The following ASAP2 variants were observed in gnomAD, a reference collection of about 807,000 sequenced individuals.
The protein encoded by ASAP2 is ArfGAP with SH3 domain, ankyrin repeat and PH domain 2.
In ASAP2, 45 loss-of-function variants were observed where a neutral mutation model predicts 131.4. The ratio of observed to expected loss-of-function variants is 0.34; its 90% CI spans 0.27 to 0.44. ASAP2 has a LOEUF of 0.44. Ranked by LOEUF, ASAP2 falls within the 20% of genes least tolerant of loss-of-function variation. The pLI, the probability that ASAP2 is intolerant of heterozygous loss-of-function variation, is 1.00. For missense variants in ASAP2, 1,011 were observed against 1,297.0 expected, an observed-to-expected ratio of 0.78 and a Z score of 3.39; for synonymous variants, 510 against 503.0, an observed-to-expected ratio of 1.01 and a Z score of -0.19.
At chr2:9,337,399 T>C (rs1671279803) in intron 9 of ASAP2, among the ~76,000 whole-genome samples, 1 of 152,244 alleles carries the variant, frequency 6.6e-6, no homozygotes, top group Non-Finnish European at 1.5e-5. Flanking sequence ...CCATCTTGTA[T>C]ACCTCAAATT....
At chr2:9,329,623 T>C (rs983293024) in intron 7 of ASAP2, among the ~76,000 whole-genome samples, 2 of 152,290 alleles carry the variant, frequency 1.3e-5, no homozygotes, top group South Asian at 2.1e-4. Flanking sequence ...GGCAATTGCT[T>C]GTGTACACAG....
At chr2:9,357,156 G>A (rs1672762005) in intron 14 of ASAP2, among the ~76,000 whole-genome samples, 1 of 150,056 alleles carries the variant, frequency 6.7e-6, no homozygotes, top group Admixed American at 6.6e-5. Flanking sequence ...CCTGAAGACT[G>A]TATTTGGCCT....
intron 1 of ASAP2, among the ~76,000 whole-genome samples, chr2:9,215,321 TAGG>T (rs1661943094): frequency 6.6e-6 from 1 of 152,204 alleles, no homozygotes. Flanking sequence ...GAAATTCAGT[TAGG>T]AGAATATTTT....
Position 9,388,371 on chromosome 2 carries a change from A to G in ASAP2, c.2208A>G (p.Val736=). ...LGSNQLQSNA[V]SLARDAANLA... is the part of the protein sequence containing the mutation. The stretch of plus-strand genomic sequence containing the variant: ...CCAACCAGCTTCAGTCTAACGCTGT[A>G]TCTTTGGCCAGAGATGCTGCAAACC... The change falls in exon 22 of 28, where the codon GTA becomes GTG. Residue 736 remains valine (V), a synonymous_variant. Transcript: ENST00000281419. 4 of 1,614,118 alleles carry G rather than the reference A, an allele frequency of 2.5e-6. No individual in the cohort carries two copies. Among genetic ancestry groups the G allele is most frequent in the Non-Finnish European group, 3.4e-6 (4 of 1,180,022 alleles).
At chr2:9,293,370 T>C (rs1667938622) in intron 2 of ASAP2, among the ~76,000 whole-genome samples, 1 of 152,188 alleles carries the variant, frequency 6.6e-6, no homozygotes, top group Non-Finnish European at 1.5e-5. Context: ...GGTCAGTGAT[T>C]ATTGGATCTG....
intron 1 of ASAP2, among the ~76,000 whole-genome samples, chr2:9,252,796 A>T (rs1329142463): frequency 3.3e-5 from 5 of 149,694 alleles, no homozygotes; most frequent in Non-Finnish European, 7.4e-5. Context: ...GGCGCCTGTA[A>T]TCCCAGCTAC....
intron 1 of ASAP2, among the ~76,000 whole-genome samples, chr2:9,226,577 A>G (rs1457691824): frequency 6.6e-6 from 1 of 152,140 alleles, no homozygotes; most frequent in Non-Finnish European, 1.5e-5. Flanking sequence ...AGTTGGGAGG[A>G]AGCCTCACTG....
At chr2:9,280,560 A>G (rs1667068407) in intron 2 of ASAP2, among the ~76,000 whole-genome samples, 2 of 152,336 alleles carry the variant, frequency 1.3e-5, no homozygotes, top group East Asian at 1.9e-4. Flanking sequence ...ATCAACAAGT[A>G]CAAAACGCTG....
In ASAP2 at chr2:9,291,941, T is replaced by C. The variant is rs187167051; in HGVS notation, c.200-5359T>C. On this transcript the variant is annotated intron_variant, in intron 2 of 27. Transcript: ENST00000281419. ...TCTTATCTAGGCTAAGAGCTGAAGATAGCGACAATGTCATTAGCAAATGAA... is the reference window on the plus strand; with the variant it reads ...TCTTATCTAGGCTAAGAGCTGAAGACAGCGACAATGTCATTAGCAAATGAA... Among the ~76,000 whole-genome samples the C allele has an allele frequency of 4.2e-3, 643 of 152,136 alleles. 4 individuals are homozygous for C. The highest frequency in any genetic ancestry group is 7.1e-3 in the Non-Finnish European group (482 of 67,966).
At chr2:9,384,612 G>A (rs750814659) in intron 20 of ASAP2, among the ~76,000 whole-genome samples, 28 of 152,192 alleles carry the variant, frequency 1.8e-4, no homozygotes, top group African/African-American at 6.5e-4. Context: ...TAGAACTCAG[G>A]GAGACACTTG....
At chr2:9,343,795 A>G (rs1269276942) in intron 9 of ASAP2, among the ~76,000 whole-genome samples, 1 of 151,698 alleles carries the variant, frequency 6.6e-6, no homozygotes, top group East Asian at 1.9e-4. Context: ...GATGCCAGAC[A>G]CTGGACTTGG....
At chr2:9,213,469 A>G (rs1326456477) in intron 1 of ASAP2, among the ~76,000 whole-genome samples, 2 of 152,178 alleles carry the variant, frequency 1.3e-5, no homozygotes, top group African/African-American at 4.8e-5. Context: ...AGCAGGGAAT[A>G]ACATGGTCCG....
Position 9,311,086 on chromosome 2 carries a change from A to T in ASAP2, c.346-7438A>T, listed in dbSNP as rs1445630158. 6.6e-6 allele frequency among the ~76,000 whole-genome samples: 1 copy of T among 152,098 alleles called. No individual in the cohort carries two copies. Among genetic ancestry groups the T allele is most frequent in the Non-Finnish European group, 1.5e-5 (1 of 68,016 alleles). On this transcript the variant is annotated intron_variant, in intron 3 of 27. Coordinates refer to ENST00000281419, the MANE Select transcript of ASAP2 (RefSeq NM_003887.3). The surrounding 1 kb of genome is among the most constrained non-coding windows in gnomAD (Gnocchi z 5.2). ...GGAAGTAGGGGTGGGGAAAGGAAGG[A>T]TTGTTATTTTGAAAGATTGCCTGGG... is the stretch of plus-strand genomic sequence containing the variant.
At chr2:9,358,980 G>C (rs1359199449) in intron 15 of ASAP2, 91 bp downstream of exon 15, 6 of 1,440,612 alleles carry the variant, frequency 4.2e-6, no homozygotes, top group Non-Finnish European at 4.7e-6. Flanking sequence ...TGGTAAGCTA[G>C]TGGTTGTTGA....
intron 3 of ASAP2, among the ~76,000 whole-genome samples, chr2:9,304,163 C>A (rs1668675118): frequency 6.6e-6 from 1 of 151,980 alleles, no homozygotes; most frequent in Non-Finnish European, 1.5e-5. Context: ...AGGGGCACTG[C>A]AGTATGGCAC....
rs1271413836 is a variant in ASAP2, at chr2:9,380,875, C to T, written c.2016+67C>T. On this transcript the variant is annotated intron_variant, in intron 20 of 27. Coordinates refer to ENST00000281419, the MANE Select transcript of ASAP2 (RefSeq NM_003887.3). ...GGGACAGGGAGCCAAGCCTGTCCTCCTTGGGCAGGGTTTGCTGTGAACCAG... is the reference window on the plus strand; with the variant it reads ...GGGACAGGGAGCCAAGCCTGTCCTCTTTGGGCAGGGTTTGCTGTGAACCAG... The T allele has an allele frequency of 2.6e-6, 4 of 1,510,214 alleles. No homozygotes were observed. The African/African-American group carries it at 5.5e-5, about 21-fold the overall frequency. The allele number at this position is 1,510,214 out of a possible 1,614,324, so 93.6% of individuals were successfully genotyped here.
chr2:9,346,835 A>G (rs1443538823), intron 11 of ASAP2, among the ~76,000 whole-genome samples: 4 of 152,262 alleles, frequency 2.6e-5, no homozygotes, highest in African/African-American at 9.6e-5. Flanking sequence ...TCCTTTGCTG[A>G]CAGCATAAAC....
At chr2:9,261,971 C>T (rs1042557960) in intron 1 of ASAP2, among the ~76,000 whole-genome samples, 2 of 152,148 alleles carry the variant, frequency 1.3e-5, no homozygotes, top group African/African-American at 4.8e-5. Flanking sequence ...ATGTGCCCCT[C>T]CCCGTGGGGA....
intron 1 of ASAP2, among the ~76,000 whole-genome samples, chr2:9,270,574 C>T (rs1400036782): frequency 6.6e-6 from 1 of 151,934 alleles, no homozygotes; most frequent in Non-Finnish European, 1.5e-5. Flanking sequence ...TTTTGTGTTA[C>T]ATCTCAATTA....
Sources: gnomAD v4.1 joint callset for allele counts (sites outside exome capture counted in the v4.1 genomes callset) on GRCh38, gnomAD v4.1.1 for gene constraint, Gnocchi (gnomAD v3.1) non-coding constraint, MANE v1.5 for transcripts, NCBI Gene and HGNC (gene_info 2026-07-23, HGNC 2026-07-21) for gene names.